NDUFAF2: variants seen among roughly 807,000 people sequenced by gnomAD.
The protein encoded by NDUFAF2 is NADH dehydrogenase [ubiquinone] 1 alpha subcomplex assembly factor 2.
Under a neutral mutation model 22.8 loss-of-function variants are expected in NDUFAF2, and 13 were observed. That is an observed-to-expected ratio of 0.57 (90% CI 0.37 to 0.91). The LOEUF (loss-of-function observed/expected upper bound fraction) is 0.91, where lower values mean the gene tolerates loss of function less well. Among genes scored for constraint, NDUFAF2 ranks in the 40% least tolerant of loss-of-function variants. The pLI is 0.01. For missense variants in NDUFAF2, 162 were observed against 195.2 expected, an observed-to-expected ratio of 0.83 and a Z score of 1.01; for synonymous variants, 53 against 64.2, an observed-to-expected ratio of 0.83 and a Z score of 0.84.
intron 1 of NDUFAF2, among the ~76,000 whole-genome samples, chr5:61,016,300 G>A (rs186555182): frequency 9.9e-5 from 15 of 152,234 alleles, no homozygotes; most frequent in African/African-American, 3.1e-4. Context: ...GACCAAAGGC[G>A]GCAGAGGAAG....
chr5:61,113,662 T>C (rs901287610), intron 3 of NDUFAF2, among the ~76,000 whole-genome samples: 2 of 152,162 alleles, frequency 1.3e-5, no homozygotes, highest in Non-Finnish European at 2.9e-5. Flanking sequence ...AAGAAGGACA[T>C]GTTTGCTTCC....
At chr5:60,969,150 T>C (rs1466843259) in intron 1 of NDUFAF2, among the ~76,000 whole-genome samples, 1 of 152,138 alleles carries the variant, frequency 6.6e-6, no homozygotes, top group Non-Finnish European at 1.5e-5. Flanking sequence ...TCTTCATTAT[T>C]GTGAATAGTA....
At chr5:61,021,343 T>TCAAA (rs1340020129) in intron 1 of NDUFAF2, among the ~76,000 whole-genome samples, 1 of 88,850 alleles carries the variant, frequency 1.1e-5, no homozygotes, top group African/African-American at 4.0e-5. Flanking sequence ...TTGTCCATCT[T>TCAAA]CAAACAGATC....
intron 1 of NDUFAF2, among the ~76,000 whole-genome samples, chr5:61,062,691 C>G (rs901178574): frequency 2.0e-5 from 3 of 152,034 alleles, no homozygotes; most frequent in African/African-American, 7.2e-5. Context: ...TATGGATATC[C>G]AGATCCATGA....
At chr5:61,129,980 A>G (rs1336818034) in intron 3 of NDUFAF2, among the ~76,000 whole-genome samples, 2 of 152,098 alleles carry the variant, frequency 1.3e-5, no homozygotes, top group Admixed American at 1.3e-4. Context: ...GCCACACTTA[A>G]AAGATAACTT....
At chr5:61,093,117 T>A (rs2111758511) in intron 2 of NDUFAF2, among the ~76,000 whole-genome samples, 1 of 152,208 alleles carries the variant, frequency 6.6e-6, no homozygotes, top group Non-Finnish European at 1.5e-5. Context: ...GGAGAAAGAG[T>A]AAGTCCAGAA....
chr5:60,948,677 A>G (rs1750498788), intron 1 of NDUFAF2, among the ~76,000 whole-genome samples: 1 of 151,880 alleles, frequency 6.6e-6, no homozygotes, highest in African/African-American at 2.4e-5. Context: ...GTATGTATAT[A>G]CCATAATTTG....
intron 1 of NDUFAF2, among the ~76,000 whole-genome samples, chr5:60,948,749 A>G (rs1316102629): frequency 6.6e-6 from 1 of 152,198 alleles, no homozygotes; most frequent in Non-Finnish European, 1.5e-5. Flanking sequence ...ATTACAAATA[A>G]ATTATGAACA....
Position 61,106,481 on chromosome 5 carries a change from A to G in NDUFAF2, c.258+7449A>G, listed in dbSNP as rs570198109. Among the ~76,000 whole-genome samples, 3 of 151,560 alleles carry G rather than the reference A, an allele frequency of 2.0e-5. No individual in the cohort carries two copies. The South Asian group carries it at 6.2e-4, about 31-fold the overall frequency. On this transcript the variant is annotated intron_variant, in intron 3 of 3. Transcript: ENST00000296597. ...TTTTGATACGTGCATACAATGCGTA[A>G]TAATCACATCAAGGTAAATGGGGTA...
chr5:61,053,211 ACATTCACCCAG>A (rs1752046943), intron 1 of NDUFAF2, among the ~76,000 whole-genome samples: 1 of 152,254 alleles, frequency 6.6e-6, no homozygotes, highest in African/African-American at 2.4e-5. Context: ...GCCTACCTGA[ACATTCACCCAG>A]CACTGTTGCA....
chr5:61,044,917 A>G (rs1751927874), intron 1 of NDUFAF2, among the ~76,000 whole-genome samples: 1 of 151,832 alleles, frequency 6.6e-6, no homozygotes, highest in Non-Finnish European at 1.5e-5. Flanking sequence ...TTTGGGGAGT[A>G]TGGACATGTT....
chr5:60,985,889 G>C (rs1004434297), intron 1 of NDUFAF2, among the ~76,000 whole-genome samples: 2 of 151,998 alleles, frequency 1.3e-5, no homozygotes, highest in Admixed American at 6.6e-5. Flanking sequence ...GATTTGGGTG[G>C]GGACACAGCC....
At chr5:61,120,380 A>G (rs910701163) in intron 3 of NDUFAF2, among the ~76,000 whole-genome samples, 2 of 152,118 alleles carry the variant, frequency 1.3e-5, no homozygotes, top group Admixed American at 1.3e-4. Flanking sequence ...TTTGTGTTAT[A>G]AATCTTTTTG....
chr5:60,949,636 C>G (rs534936395), intron 1 of NDUFAF2, among the ~76,000 whole-genome samples: 2 of 152,136 alleles, frequency 1.3e-5, no homozygotes, highest in African/African-American at 4.8e-5. Flanking sequence ...CTTAGCCTCA[C>G]AAAGTATTTT....
intron 1 of NDUFAF2, among the ~76,000 whole-genome samples, chr5:60,995,462 A>G (rs1447102063): frequency 2.0e-5 from 3 of 152,214 alleles, no homozygotes; most frequent in Non-Finnish European, 4.4e-5. Context: ...CTTGGACATG[A>G]TCTGGGAGAA....
chr5:61,109,250 T>C (rs115523374), intron 3 of NDUFAF2, among the ~76,000 whole-genome samples: 1,679 of 152,298 alleles, frequency 0.011, 18 homozygotes, highest in Non-Finnish European at 0.017. Flanking sequence ...TGATTTCAGA[T>C]TGTTTGCTGG....
intron 1 of NDUFAF2, among the ~76,000 whole-genome samples, chr5:61,009,925 G>C (rs1057055990): frequency 6.6e-6 from 1 of 152,058 alleles, no homozygotes; most frequent in African/African-American, 2.4e-5. Flanking sequence ...AGTATTTCTT[G>C]TCTTAATAAA....
At chr5:60,967,163 T>C (rs1750767909) in intron 1 of NDUFAF2, among the ~76,000 whole-genome samples, 1 of 152,000 alleles carries the variant, frequency 6.6e-6, no homozygotes, top group South Asian at 2.1e-4. Flanking sequence ...TATCAGTGTA[T>C]AGAAACACTG....
At chr5:60,965,113 A>G (rs992297274) in intron 1 of NDUFAF2, among the ~76,000 whole-genome samples, 2 of 152,166 alleles carry the variant, frequency 1.3e-5, no homozygotes, top group South Asian at 2.1e-4. Context: ...CGATTTTTCA[A>G]CTAGGTCTAG....
Sources: allele counts gnomAD v4.1 joint callset (sites outside exome capture counted in the v4.1 genomes callset), GRCh38; gene constraint gnomAD v4.1.1; transcripts MANE v1.5; gene names NCBI Gene and HGNC (gene_info 2026-07-23, HGNC 2026-07-21).